Variants in CAMSAP1 observed in about 807,000 individuals in gnomAD.
The protein encoded by CAMSAP1 is calmodulin-regulated spectrin-associated protein 1.
In CAMSAP1, 58 loss-of-function variants were observed where a neutral mutation model predicts 143.5. That is an observed-to-expected ratio of 0.40 (90% CI 0.33 to 0.50). The LOEUF (loss-of-function observed/expected upper bound fraction) is 0.50, where lower values mean the gene tolerates loss of function less well. CAMSAP1 is among the 20% of genes least tolerant of loss of function. The pLI, the probability that CAMSAP1 is intolerant of heterozygous loss-of-function variation, is 0.45. For missense variants in CAMSAP1, 1,969 were observed against 2,115.7 expected (o/e 0.93, Z 1.36); for synonymous variants, 945 against 859.3 (o/e 1.10, Z -1.74).
chr9:135,823,331 T>A (rs535326520), intron 10 of CAMSAP1, 71 bp from the exon 11 acceptor site: 18 of 1,484,828 alleles, frequency 1.2e-5, no homozygotes, highest in Middle Eastern at 2.1e-4. Context: ...GACCAGGGGG[T>A]GAGAATGCCG....
Position 135,850,894 on chromosome 9 carries a change from C to A in CAMSAP1, c.809-433G>T, listed in dbSNP as rs961153570. ...GGGAAATGAATAAAACGTAAAGCAT[C>A]AGGCTCATCCACGCCCACTCAGTGA... On this transcript the variant is annotated intron_variant, in intron 5 of 16. Transcript: ENST00000389532. Among the ~76,000 whole-genome samples, 12 of 152,350 alleles carry A rather than the reference C, an allele frequency of 7.9e-5. No homozygotes were observed. In the South Asian group the frequency reaches 2.5e-3, roughly 32 times the overall value.
chr9:135,896,287 G>C (rs1339706114), intron 1 of CAMSAP1, among the ~76,000 whole-genome samples: 1 of 151,884 alleles, frequency 6.6e-6, no homozygotes, highest in African/African-American at 2.4e-5. Flanking sequence ...AATTACGAGA[G>C]GCAAAAAGGG....
intron 3 of CAMSAP1, among the ~76,000 whole-genome samples, chr9:135,875,016 G>A (rs1398209590): frequency 6.6e-6 from 1 of 152,084 alleles, no homozygotes; most frequent in Non-Finnish European, 1.5e-5. Context: ...AAGCTGTTAG[G>A]TCTACACAGA....
At chr9:135,886,811 C>T (rs540786481) in intron 1 of CAMSAP1, among the ~76,000 whole-genome samples, 2 of 152,332 alleles carry the variant, frequency 1.3e-5, no homozygotes, top group East Asian at 1.9e-4. Flanking sequence ...CAGGCAGCCC[C>T]GGGAAGGGGA....
intron 5 of CAMSAP1, among the ~76,000 whole-genome samples, chr9:135,852,151 G>C (rs959884569): frequency 6.6e-6 from 1 of 152,160 alleles, no homozygotes; most frequent in Non-Finnish European, 1.5e-5. Context: ...CCTCTCCTGT[G>C]GACCCTGTCC....
In CAMSAP1 at chr9:135,818,068, T is replaced by C. The variant is rs1365048336; in HGVS notation, c.4180A>G (p.Ser1394Gly). 1.9e-6 allele frequency: 3 copies of C among 1,613,540 alleles called. No homozygotes were observed. In the African/African-American group the frequency reaches 4.0e-5, roughly 22 times the overall value. The stretch of plus-strand genomic sequence containing the variant: ...AGGCTGGAGCCTGACTGAGTCCGGC[T>C]CAAGTTATCAGCTGCCAGAGACAGA... ...TKCSSTPDNL[S>G]RTQSGSSLSL... Residue 1394 changes from serine to glycine, a missense_variant, in exon 14 of 17, where the codon AGC becomes GGC. By Grantham distance (56) the Ser-to-Gly change is moderately conservative. This residue lies in a region of CAMSAP1 where 1,390 missense variants were observed against 1,420.8 expected (regional missense o/e 0.98). Transcript: ENST00000389532. This position sits in a 1 kb window ranked among gnomAD's most constrained non-coding sequence, Gnocchi z 7.7.
At position 135,822,484 on chromosome 9, in the gene CAMSAP1, T is replaced by C. The variant is rs1554788761; in HGVS notation, c.2177A>G (p.His726Arg). The C allele has an allele frequency of 6.2e-7, 1 of 1,613,870 alleles. No individual in the cohort carries two copies. The highest frequency in any genetic ancestry group is 1.3e-5 in the African/African-American group (1 of 75,030). The change falls in exon 11 of 17, where the codon CAC becomes CGC. Residue 726 changes from histidine to arginine, a missense_variant. Physicochemically the swap from His to Arg is conservative, Grantham distance 29. Transcript: ENST00000389532. This position sits in a 1 kb window ranked among gnomAD's most constrained non-coding sequence, Gnocchi z 6.1. Reference protein sequence around the residue: ...YVSCSKSPNSHDSEPWTLLRQ... With the variant: ...YVSCSKSPNSRDSEPWTLLRQ... ...GAGGAGAGTCCACGGCTCTGAATCG[T>C]GGGAGTTGGGGCTTTTTGAACAACT...
At chr9:135,859,004 G>C (rs560640832) in intron 5 of CAMSAP1, among the ~76,000 whole-genome samples, 2 of 152,294 alleles carry the variant, frequency 1.3e-5, no homozygotes, top group African/African-American at 4.8e-5. Context: ...CACCCTCAGA[G>C]ACACACCCAG....
At chr9:135,866,779 T>TC (rs1172418708) in intron 3 of CAMSAP1, among the ~76,000 whole-genome samples, 1 of 151,852 alleles carries the variant, frequency 6.6e-6, no homozygotes, top group African/African-American at 2.4e-5. Flanking sequence ...AGCGCAGTGC[T>TC]CCCCCGTCAC....
At chr9:135,854,584 T>G (rs775743999) in intron 5 of CAMSAP1, among the ~76,000 whole-genome samples, 11 of 152,204 alleles carry the variant, frequency 7.2e-5, no homozygotes, top group Non-Finnish European at 1.3e-4. Context: ...TGTCTCAGCT[T>G]CCTGAGTATC....
At chr9:135,883,224 A>G in intron 1 of CAMSAP1, 146 bp from the exon 2 acceptor site, 2 of 831,204 alleles carry the variant, frequency 2.4e-6, no homozygotes, top group Non-Finnish European at 3.7e-6. Context: ...TAATTGATTG[A>G]TTGATTAAAT....
chr9:135,833,165 T>C (rs1373668630), intron 7 of CAMSAP1, among the ~76,000 whole-genome samples: 1 of 145,672 alleles, frequency 6.9e-6, no homozygotes, highest in East Asian at 2.0e-4. Flanking sequence ...CACTGCAAGC[T>C]CCGCCTCCCG....
At chr9:135,814,173 G>A (rs551157964) in intron 16 of CAMSAP1, among the ~76,000 whole-genome samples, 10 of 152,298 alleles carry the variant, frequency 6.6e-5, no homozygotes, top group South Asian at 4.1e-4. Flanking sequence ...CCAGTGCCAC[G>A]AGACCTGCCT....
chr9:135,816,125 G>A (rs549742967), intron 14 of CAMSAP1, 120 bp from the exon 15 acceptor site: 20 of 819,434 alleles, frequency 2.4e-5, no homozygotes, highest in African/African-American at 1.5e-4. Flanking sequence ...GGAGGCTTTC[G>A]GTGACGGTGG....
intron 1 of CAMSAP1, among the ~76,000 whole-genome samples, chr9:135,904,921 C>T (rs954603487): frequency 6.6e-6 from 1 of 151,344 alleles, no homozygotes; most frequent in Non-Finnish European, 1.5e-5. Flanking sequence ...GCTGAGGTCG[C>T]GTCACTGCAC....
chr9:135,863,724 C>G (rs1439134667), intron 4 of CAMSAP1, among the ~76,000 whole-genome samples: 1 of 152,170 alleles, frequency 6.6e-6, no homozygotes, highest in Non-Finnish European at 1.5e-5. Flanking sequence ...TCAGCACACA[C>G]TTTAACTTGT....
In CAMSAP1 at chr9:135,821,211, C is replaced by G; in HGVS notation, c.3450G>C (p.Leu1150=). The change falls in exon 11 of 17, where the codon CTG becomes CTC. Residue 1150 remains leucine, a synonymous_variant. Transcript: ENST00000389532. This position sits in a 1 kb window ranked among gnomAD's most constrained non-coding sequence, Gnocchi z 4.6. Reference sequence around the variant, plus strand: ...CACCACTGGGCTCCAGGGCACTGTCCAGGCCAGGGTCCGTGGGCGTCCGAG... The same window carrying G: ...CACCACTGGGCTCCAGGGCACTGTCGAGGCCAGGGTCCGTGGGCGTCCGAG... ...SHPRTPTDPG[L]DSALEPSGDP... is the part of the protein sequence containing the mutation. 6.2e-7 allele frequency: 1 copy of G among 1,609,232 alleles called. No homozygotes were observed. Among genetic ancestry groups the G allele is most frequent in the Non-Finnish European group, 8.5e-7 (1 of 1,179,878 alleles).
chr9:135,902,561 T>C (rs565406622), intron 1 of CAMSAP1, among the ~76,000 whole-genome samples: 6 of 152,330 alleles, frequency 3.9e-5, no homozygotes, highest in Admixed American at 3.3e-4. Context: ...ATGGCGACCC[T>C]CTGGAGTTGA....
chr9:135,818,137 G>A lies in CAMSAP1; in HGVS notation c.4169-58C>T, dbSNP rs750338154. 4 of 1,541,622 alleles carry A rather than the reference G, an allele frequency of 2.6e-6. No homozygotes were observed. The highest frequency in any genetic ancestry group is 3.6e-6 in the Non-Finnish European group (4 of 1,121,866). ...AACGGATTCCGACAGACAAGTACCT[G>A]TCCCCTGTACCTGTTCCCCTCACCT... is the stretch of plus-strand genomic sequence containing the variant. On this transcript the variant is annotated intron_variant, in intron 13 of 16. Transcript: ENST00000389532. The surrounding 1 kb of genome is among the most constrained non-coding windows in gnomAD (Gnocchi z 7.7).
Sources: gnomAD v4.1 joint callset for allele counts (sites outside exome capture counted in the v4.1 genomes callset) on GRCh38, gnomAD v4.1.1 for gene constraint, gnomAD v4.1.1 regional missense constraint, Gnocchi (gnomAD v3.1) non-coding constraint, MANE v1.5 for transcripts, NCBI Gene and HGNC (gene_info 2026-07-23, HGNC 2026-07-21) for gene names.